Variants in GLIS3 observed in about 807,000 individuals in gnomAD.
The protein encoded by GLIS3 is GLIS family zinc finger 3, also known as zinc finger protein GLIS3.
GLIS3 carries 53 observed loss-of-function variants against 78.6 expected under a neutral mutation model. That is an observed-to-expected ratio of 0.67 (90% CI 0.54 to 0.85). The LOEUF (loss-of-function observed/expected upper bound fraction) is 0.85. GLIS3 is among the 40% of genes least tolerant of loss of function. The pLI, the probability that GLIS3 is intolerant of heterozygous loss-of-function variation, is 0.00. For missense variants in GLIS3, 1,703 were observed against 1,231.1 expected (o/e 1.38, Z -5.74); for synonymous variants, 684 against 509.9 (o/e 1.34, Z -4.60).
intron 2 of GLIS3, among the ~76,000 whole-genome samples, chr9:4,247,284 G>A (rs957265178): frequency 1.6e-4 from 24 of 152,102 alleles, no homozygotes; most frequent in Admixed American, 1.4e-3. Flanking sequence ...AAAGCTGAAA[G>A]TACGGTTGTT....
intron 2 of GLIS3, among the ~76,000 whole-genome samples, chr9:4,142,602 T>A (rs986612067): frequency 4.6e-5 from 7 of 152,210 alleles, no homozygotes; most frequent in African/African-American, 1.7e-4. Flanking sequence ...GATCTTCTTA[T>A]ACAATGAGTG....
At chr9:4,386,062 G>T in the GLIS3 span, among the ~76,000 whole-genome samples, 1 of 152,172 alleles carries the variant, frequency 6.6e-6, no homozygotes, top group South Asian at 2.1e-4. Context: ...TACCTCTGGG[G>T]TGAGAATTTA....
At chr9:4,277,508 T>A (rs963158897) in intron 2 of GLIS3, among the ~76,000 whole-genome samples, 1 of 152,236 alleles carries the variant, frequency 6.6e-6, no homozygotes, top group African/African-American at 2.4e-5. Context: ...CAACCTTAAG[T>A]GACACAAAAG....
chr9:4,354,773 T>A, the GLIS3 span, among the ~76,000 whole-genome samples: 1 of 152,070 alleles, frequency 6.6e-6, no homozygotes, highest in Admixed American at 6.5e-5. Context: ...TACCCCAAAT[T>A]CCACCCTCAA....
chr9:4,099,338 G>C (rs762815632), intron 4 of GLIS3, among the ~76,000 whole-genome samples: 2 of 152,226 alleles, frequency 1.3e-5, no homozygotes, highest in Non-Finnish European at 2.9e-5. Flanking sequence ...CTCTCTGCTA[G>C]TTTCTGGTGG....
intron 4 of GLIS3, among the ~76,000 whole-genome samples, chr9:4,083,674 G>A (rs893887087): frequency 1.3e-4 from 20 of 152,166 alleles, no homozygotes; most frequent in African/African-American, 4.6e-4. Context: ...ATGTTTAAGA[G>A]TAAGTAATGA....
At chr9:4,270,605 C>A (rs542020879) in intron 2 of GLIS3, among the ~76,000 whole-genome samples, 1 of 152,314 alleles carries the variant, frequency 6.6e-6, no homozygotes, top group African/African-American at 2.4e-5. Flanking sequence ...ACAGGCCTTT[C>A]CAGCATGGCA....
intron 2 of GLIS3, among the ~76,000 whole-genome samples, chr9:4,272,432 G>C (rs567981326): frequency 6.6e-6 from 1 of 152,206 alleles, no homozygotes; most frequent in East Asian, 1.9e-4. Context: ...GAAATATTTA[G>C]GGCTCTGAAG....
chr9:4,361,400 C>A, the GLIS3 span, among the ~76,000 whole-genome samples: 1 of 152,350 alleles, frequency 6.6e-6, no homozygotes, highest in South Asian at 2.1e-4. Context: ...AATCTTGCTT[C>A]TCTTACTCCC....
At chr9:4,313,747 T>C (rs1166576942) in intron 2 of GLIS3, among the ~76,000 whole-genome samples, 2 of 152,204 alleles carry the variant, frequency 1.3e-5, no homozygotes, top group African/African-American at 4.8e-5. Flanking sequence ...CAAGTTCCAA[T>C]GCCACCTCCT....
At chr9:3,904,278 G>C (rs545532016) in intron 6 of GLIS3, among the ~76,000 whole-genome samples, 1 of 152,140 alleles carries the variant, frequency 6.6e-6, no homozygotes, top group African/African-American at 2.4e-5. Context: ...TACAATCTGG[G>C]CAAGACTCAT....
intron 1 of GLIS3, among the ~76,000 whole-genome samples, chr9:4,292,378 A>G (rs1342143406): frequency 6.6e-6 from 1 of 152,160 alleles, no homozygotes; most frequent in African/African-American, 2.4e-5. Flanking sequence ...TCTTCTGGGT[A>G]AGACAAAAAA....
Position 3,827,176 on chromosome 9 carries a change from G to C in GLIS3, c.*1096C>G, listed in dbSNP as rs1817768737. The stretch of plus-strand genomic sequence containing the variant: ...GGATGCAAAAAGAGGGTGGAGAGAA[G>C]TGTAGGGAAGAGACAGACAGATGAG... On this transcript the variant is annotated 3_prime_UTR_variant, in exon 11 of 11. Coordinates refer to ENST00000381971, the MANE Select transcript of GLIS3 (RefSeq NM_001042413.2). The C allele has an allele frequency of 6.6e-6, 1 of 152,190 alleles. No individual in the cohort carries two copies. The highest frequency in any genetic ancestry group is 6.5e-5 in the Admixed American group (1 of 15,268). The allele number at this position is 152,190 out of a possible 1,614,324, so 9.4% of individuals were successfully genotyped here. A position where few individuals can be genotyped will look rare whatever the true frequency, so the allele number is the denominator to read the frequency against.
chr9:3,896,223 A>G (rs374975624), intron 7 of GLIS3, among the ~76,000 whole-genome samples: 103 of 152,324 alleles, frequency 6.8e-4, no homozygotes, highest in African/African-American at 2.4e-3. Context: ...CTTTAAAAGA[A>G]AGGCTTAAAT....
At chr9:4,320,363 G>A (rs909180769) in intron 2 of GLIS3, among the ~76,000 whole-genome samples, 1 of 152,078 alleles carries the variant, frequency 6.6e-6, no homozygotes, top group Non-Finnish European at 1.5e-5. Flanking sequence ...AGAAGGAGGT[G>A]GGACTGAAAA....
chr9:3,953,468 AC>A (rs1563885945), intron 4 of GLIS3, among the ~76,000 whole-genome samples: 1 of 152,158 alleles, frequency 6.6e-6, no homozygotes, highest in Non-Finnish European at 1.5e-5. Flanking sequence ...TGATCTTTAC[AC>A]TGACTTCCAC....
intron 1 of GLIS3, among the ~76,000 whole-genome samples, chr9:4,287,453 C>T (rs149563090): frequency 3.3e-5 from 5 of 152,318 alleles, no homozygotes; most frequent in African/African-American, 9.6e-5. Flanking sequence ...AAGGCCCCTC[C>T]TTCCCTTGAC....
At chr9:4,204,807 G>A (rs185267598) in intron 2 of GLIS3, among the ~76,000 whole-genome samples, 7 of 152,098 alleles carry the variant, frequency 4.6e-5, no homozygotes, top group Admixed American at 2.6e-4. Context: ...CCAGCTACTC[G>A]GGAGGCTGAG....
rs1271338970 is a variant in GLIS3, at chr9:3,827,469, A to G, written c.*803T>C. 6.6e-6 allele frequency: 1 copy of G among 152,368 alleles called. No individual in the cohort carries two copies. The highest frequency in any genetic ancestry group is 1.5e-5 in the Non-Finnish European group (1 of 68,200). The allele number at this position is 152,368 out of a possible 1,614,324, so 9.4% of individuals were successfully genotyped here. The stretch of plus-strand genomic sequence containing the variant: ...TGTTGGTGCGGGAGGTGCCCACTCC[A>G]TTTCCCTCAGGTAACCTTTGCTAAC... On this transcript the variant is annotated 3_prime_UTR_variant, in exon 11 of 11. Coordinates refer to ENST00000381971, the MANE Select transcript of GLIS3 (RefSeq NM_001042413.2).
Sources: gnomAD v4.1 joint callset for allele counts (sites outside exome capture counted in the v4.1 genomes callset) on GRCh38, gnomAD v4.1.1 for gene constraint, MANE v1.5 for transcripts, NCBI Gene and HGNC (gene_info 2026-07-23, HGNC 2026-07-21) for gene names.